Variants in CSGALNACT1 observed in about 807,000 individuals in gnomAD.
CSGALNACT1 encodes the protein chondroitin sulfate N-acetylgalactosaminyltransferase 1.
Under a neutral mutation model 51.0 loss-of-function variants are expected in CSGALNACT1, and 52 were observed. The observed-to-expected ratio is 1.02, with a 90% CI of 0.82 to 1.29. The LOEUF (loss-of-function observed/expected upper bound fraction) is 1.29. Ranked by LOEUF, CSGALNACT1 falls within the 50% of genes most tolerant of loss-of-function variation. The pLI is 0.00. For missense variants in CSGALNACT1, 935 were observed against 679.2 expected (o/e 1.38, Z -4.19); for synonymous variants, 341 against 254.4 (o/e 1.34, Z -3.24).
chr8:19,527,943 AG>A (rs2082022723), intron 3 of CSGALNACT1, among the ~76,000 whole-genome samples: 1 of 152,160 alleles, frequency 6.6e-6, no homozygotes, highest in Admixed American at 6.5e-5. Context: ...GTAAGACTGA[AG>A]GAGATAAACT....
chr8:19,423,561 A>C (rs970561004), intron 6 of CSGALNACT1, among the ~76,000 whole-genome samples: 1 of 152,216 alleles, frequency 6.6e-6, no homozygotes, highest in African/African-American at 2.4e-5. Flanking sequence ...GATTGGGTAC[A>C]GGATGGGCTT....
chr8:19,416,146 G>C (rs1224225119), intron 8 of CSGALNACT1, among the ~76,000 whole-genome samples: 6 of 120,256 alleles, frequency 5.0e-5, no homozygotes, highest in Non-Finnish European at 9.7e-5. Flanking sequence ...ACAGAGTCTT[G>C]CTCTGTTGCC....
At chr8:19,658,835 T>C (rs1030472085) in intron 1 of CSGALNACT1, among the ~76,000 whole-genome samples, 8 of 152,204 alleles carry the variant, frequency 5.3e-5, no homozygotes, top group Non-Finnish European at 1.2e-4. Flanking sequence ...TCAACTACTT[T>C]AAGGGAATTG....
intron 3 of CSGALNACT1, among the ~76,000 whole-genome samples, chr8:19,553,122 C>G (rs1412778351): frequency 6.6e-6 from 1 of 152,052 alleles, no homozygotes; most frequent in Non-Finnish European, 1.5e-5. Context: ...AGAATCAATT[C>G]CAGACAGACA....
chr8:19,506,355 G>A (rs970934327), intron 3 of CSGALNACT1, among the ~76,000 whole-genome samples: 2 of 152,178 alleles, frequency 1.3e-5, no homozygotes, highest in Non-Finnish European at 2.9e-5. Flanking sequence ...AAGGAAAATG[G>A]CAAAATCTGA....
intron 1 of CSGALNACT1, among the ~76,000 whole-genome samples, chr8:19,660,741 A>G (rs2058680734): frequency 6.6e-6 from 1 of 152,174 alleles, no homozygotes; most frequent in South Asian, 2.1e-4. Flanking sequence ...ATTAAAGGCA[A>G]TGACATGGTA....
chr8:19,594,360 A>G (rs1342565968), intron 2 of CSGALNACT1, among the ~76,000 whole-genome samples: 1 of 152,212 alleles, frequency 6.6e-6, no homozygotes, highest in Non-Finnish European at 1.5e-5. Context: ...GGAATACCTA[A>G]TATGTGTAAT....
chr8:19,611,942 A>G (rs1227081084), intron 1 of CSGALNACT1, among the ~76,000 whole-genome samples: 1 of 151,968 alleles, frequency 6.6e-6, no homozygotes, highest in East Asian at 1.9e-4. Context: ...TTTATGGTGA[A>G]AATTAAGGAT....
At chr8:19,569,903 T>C (rs2042645230) in intron 3 of CSGALNACT1, among the ~76,000 whole-genome samples, 3 of 152,316 alleles carry the variant, frequency 2.0e-5, no homozygotes, top group South Asian at 4.1e-4. Flanking sequence ...CATGCAGCCA[T>C]ACAGATCAAT....
intron 5 of CSGALNACT1, among the ~76,000 whole-genome samples, chr8:19,440,737 G>T (rs998704803): frequency 2.6e-5 from 4 of 151,744 alleles, no homozygotes; most frequent in African/African-American, 7.3e-5. Flanking sequence ...GCAGGAGAAG[G>T]AAATAAAGGG....
chr8:19,405,160 A>G, exon 10 of CSGALNACT1: 1 of 448,624 alleles, frequency 2.2e-6, no homozygotes, highest in South Asian at 1.6e-5. Context: ...GCATTTTTAA[A>G]TAAAAGAAAA....
At chr8:19,619,877 G>T (rs147243642) in intron 1 of CSGALNACT1, among the ~76,000 whole-genome samples, 6 of 152,280 alleles carry the variant, frequency 3.9e-5, no homozygotes, top group African/African-American at 1.4e-4. Flanking sequence ...AGTGGTCATG[G>T]TGCCAGATTA....
intron 3 of CSGALNACT1, among the ~76,000 whole-genome samples, chr8:19,528,638 C>A (rs183305416): frequency 6.6e-6 from 1 of 152,236 alleles, no homozygotes; most frequent in African/African-American, 2.4e-5. Flanking sequence ...CTTCCTTAAA[C>A]CCACCCCCAA....
intron 1 of CSGALNACT1, among the ~76,000 whole-genome samples, chr8:19,731,369 G>A (rs574640748): frequency 3.3e-5 from 5 of 152,274 alleles, no homozygotes; most frequent in African/African-American, 7.2e-5. Flanking sequence ...TTAGGCAGGC[G>A]TGGTGGCCCA....
chr8:19,526,360 A>G (rs2081702954), intron 3 of CSGALNACT1, among the ~76,000 whole-genome samples: 1 of 152,220 alleles, frequency 6.6e-6, no homozygotes, highest in African/African-American at 2.4e-5. Context: ...TGAGGCAGGC[A>G]GATCACAAGG....
chr8:19,519,454 C>A (rs944829092), intron 3 of CSGALNACT1, among the ~76,000 whole-genome samples: 1 of 152,168 alleles, frequency 6.6e-6, no homozygotes, highest in Admixed American at 6.5e-5. Context: ...GAGAATTAAA[C>A]AACACCAGCA....
chr8:19,412,551 G>A (rs1431184083), intron 8 of CSGALNACT1, among the ~76,000 whole-genome samples: 4 of 152,320 alleles, frequency 2.6e-5, no homozygotes, highest in South Asian at 2.1e-4. Context: ...TTCAATCAGA[G>A]TCTCTCCTCA....
intron 3 of CSGALNACT1, among the ~76,000 whole-genome samples, chr8:19,512,329 G>C (rs985461127): frequency 6.6e-6 from 1 of 152,204 alleles, no homozygotes; most frequent in South Asian, 2.1e-4. Flanking sequence ...TAAGGCCTGA[G>C]ATGACTGCAA....
At chr8:19,474,869 G>GAAAAAAAAAAAAAAAAAAAAAAAAAAAAA (rs10683237) in intron 4 of CSGALNACT1, among the ~76,000 whole-genome samples, 1 of 86,172 alleles carries the variant, frequency 1.2e-5, no homozygotes, top group Non-Finnish European at 2.1e-5. Context: ...CTCTGTCTCA[G>GAAAAAAAAAAAAAAAAAAAAAAAAAAAAA]AAAAAAAAAA....
Sources: allele counts gnomAD v4.1 joint callset (sites outside exome capture counted in the v4.1 genomes callset), GRCh38; gene constraint gnomAD v4.1.1; transcripts MANE v1.5; gene names NCBI Gene and HGNC (gene_info 2026-07-23, HGNC 2026-07-21).